L2HGDH: variants seen among roughly 807,000 people sequenced by gnomAD.
L2HGDH encodes L-2-hydroxyglutarate dehydrogenase, mitochondrial.
Under a neutral mutation model 51.5 loss-of-function variants are expected in L2HGDH, and 34 were observed. The observed-to-expected ratio is 0.66, with a 90% CI of 0.50 to 0.88. L2HGDH has a LOEUF of 0.88. L2HGDH is among the 40% of genes least tolerant of loss of function. L2HGDH has a pLI of 0.00. For missense variants in L2HGDH, 558 were observed against 571.9 expected, an observed-to-expected ratio of 0.98 and a Z score of 0.25; for synonymous variants, 198 against 197.9, an observed-to-expected ratio of 1.00 and a Z score of -0.01.
At chr14:50,308,412 G>A (rs1014817028) in intron 1 of L2HGDH, among the ~76,000 whole-genome samples, 4 of 147,024 alleles carry the variant, frequency 2.7e-5, no homozygotes, top group Non-Finnish European at 6.0e-5. Flanking sequence ...AAAAAAGTGG[G>A]CAAAAGATAT....
At chr14:50,280,414 C>T (rs1165763707) in intron 5 of L2HGDH, among the ~76,000 whole-genome samples, 2 of 152,140 alleles carry the variant, frequency 1.3e-5, no homozygotes, top group East Asian at 3.9e-4. Flanking sequence ...GATCCGCCTG[C>T]CTTGGCTTCC....
At chr14:50,251,753 C>T (rs1391577704) in intron 9 of L2HGDH, among the ~76,000 whole-genome samples, 1 of 152,060 alleles carries the variant, frequency 6.6e-6, no homozygotes. Flanking sequence ...AACCCTTTTA[C>T]TCTAAAATAG....
At chr14:50,307,708 C>T (rs2030812847) in intron 1 of L2HGDH, among the ~76,000 whole-genome samples, 2 of 152,172 alleles carry the variant, frequency 1.3e-5, no homozygotes, top group Admixed American at 1.3e-4. Flanking sequence ...TCATCCCCTC[C>T]TGTATTATAT....
chr14:50,282,184 G>A (rs553387164), intron 5 of L2HGDH, among the ~76,000 whole-genome samples: 63 of 152,182 alleles, frequency 4.1e-4, no homozygotes, highest in African/African-American at 1.4e-3. Context: ...TGATGGTACC[G>A]GCATCTAGTG....
chr14:50,287,856 C>T (rs1310518233), intron 4 of L2HGDH, among the ~76,000 whole-genome samples: 1 of 151,824 alleles, frequency 6.6e-6, no homozygotes, highest in Non-Finnish European at 1.5e-5. Flanking sequence ...CAAAAACACG[C>T]CTGGCTATTT....
intron 3 of L2HGDH, chr14:50,299,834 C>A (rs2030300621): frequency 6.5e-6 from 1 of 154,290 alleles, no homozygotes; most frequent in African/African-American, 2.4e-5. Context: ...AGGAGAAAAT[C>A]TTTAAGATAA....
intron 3 of L2HGDH, among the ~76,000 whole-genome samples, chr14:50,300,851 G>T (rs187708390): frequency 1.3e-5 from 2 of 151,902 alleles, no homozygotes; most frequent in African/African-American, 2.4e-5. Context: ...TTGAGGCAAG[G>T]TCTCACTCTG....
intron 9 of L2HGDH, among the ~76,000 whole-genome samples, chr14:50,258,046 T>C (rs947313256): frequency 2.2e-5 from 3 of 137,528 alleles, no homozygotes; most frequent in African/African-American, 8.2e-5. Context: ...TTTTTTTAAA[T>C]GGAAAATTTT....
chr14:50,306,225 A>G (rs565100471), intron 1 of L2HGDH, among the ~76,000 whole-genome samples: 8 of 151,636 alleles, frequency 5.3e-5, no homozygotes, highest in African/African-American at 1.9e-4. Flanking sequence ...TAATTTTTGT[A>G]TTTTTAGTAG....
At chr14:50,288,543 G>C (rs1047705868) in intron 4 of L2HGDH, among the ~76,000 whole-genome samples, 3 of 152,136 alleles carry the variant, frequency 2.0e-5, no homozygotes, top group Non-Finnish European at 4.4e-5. Context: ...CGATTCTCCT[G>C]CCTCAGCTTC....
chr14:50,309,702 T>TA (rs1555333780), intron 1 of L2HGDH, among the ~76,000 whole-genome samples: 2 of 150,750 alleles, frequency 1.3e-5, no homozygotes, highest in Non-Finnish European at 3.0e-5. Flanking sequence ...TTTTTTTTTT[T>TA]AAGAGAGTCT....
rs146940543 is a variant in L2HGDH at position 50,255,364 on chromosome 14, G to A, written c.1197-8111C>T. On this transcript the variant is annotated intron_variant, in intron 9 of 9. Coordinates refer to ENST00000267436, the MANE Select transcript of L2HGDH (RefSeq NM_024884.3). ...AGCCTGGCAAATATGGCAAACCCCC[G>A]TCTCTACTAAAAATACAAAAATTAG... Among the ~76,000 whole-genome samples, 392 of 151,598 alleles carry A rather than the reference G, an allele frequency of 2.6e-3. 6 individuals are homozygous for A. Among genetic ancestry groups the A allele is most frequent in the African/African-American group, 8.1e-3 (335 of 41,342 alleles).
At chr14:50,305,139 T>A (rs529903070) in intron 1 of L2HGDH, among the ~76,000 whole-genome samples, 20 of 152,300 alleles carry the variant, frequency 1.3e-4, no homozygotes, top group Middle Eastern at 3.4e-3. Context: ...AAATCCTGCA[T>A]CTTAAATTAA....
At chr14:50,306,338 C>G in intron 1 of L2HGDH, among the ~76,000 whole-genome samples, 1 of 152,116 alleles carries the variant, frequency 6.6e-6, no homozygotes, top group South Asian at 2.1e-4. Flanking sequence ...TGTGAACCAC[C>G]GTGCCCAGCT....
chr14:50,311,530 T>C, intron 1 of L2HGDH: 2 of 452,778 alleles, frequency 4.4e-6, no homozygotes, highest in Non-Finnish European at 8.9e-6. Flanking sequence ...GCATAAGAGC[T>C]GCCTCCGACG....
intron 8 of L2HGDH, among the ~76,000 whole-genome samples, chr14:50,266,353 G>A (rs1468342882): frequency 3.3e-5 from 5 of 152,028 alleles, no homozygotes; most frequent in Admixed American, 2.0e-4. Context: ...AAATACTTTA[G>A]TTGTTTAGGC....
chr14:50,295,567 G>C (rs1046774769), intron 3 of L2HGDH, among the ~76,000 whole-genome samples: 1 of 144,736 alleles, frequency 6.9e-6, no homozygotes, highest in East Asian at 2.0e-4. Flanking sequence ...CACCACACTC[G>C]GCTAATTTTT....
In L2HGDH at chr14:50,244,772, C is replaced by T. The variant is rs1486658094; in HGVS notation, c.*2286G>A. The T allele has an allele frequency of 4.1e-6, 4 of 985,248 alleles. No homozygotes were observed. Among genetic ancestry groups the T allele is most frequent in the South Asian group, 4.7e-5 (1 of 21,280 alleles). The allele number at this position is 985,248 out of a possible 1,614,324, so 61.0% of individuals were successfully genotyped here. A position where few individuals can be genotyped will look rare whatever the true frequency, so the allele number is the denominator to read the frequency against. Reference sequence around the variant, plus strand: ...TGAAGTGAGGGGAAAAGGAAGAAAACAGAAACATTTTTCCTATCAACCAAA... The same window carrying T: ...TGAAGTGAGGGGAAAAGGAAGAAAATAGAAACATTTTTCCTATCAACCAAA... On this transcript the variant is annotated 3_prime_UTR_variant, in exon 10 of 10. Transcript: ENST00000267436.
rs763449413 is a variant in L2HGDH at position 50,269,236 on chromosome 14, A to G, written c.833T>C (p.Ile278Thr). Residue 278 changes from isoleucine to threonine, a missense_variant, in exon 7 of 10, where the codon ATT becomes ACT. Physicochemically the swap from Ile to Thr is moderately conservative, Grantham distance 89. This residue lies in a region of L2HGDH where 321 missense variants were observed against 311.8 expected (regional missense o/e 1.03). Coordinates refer to ENST00000267436, the MANE Select transcript of L2HGDH (RefSeq NM_024884.3). Reference protein sequence around the residue: ...ELSGCTPDPRIVPFRGDYLLL... With the variant: ...ELSGCTPDPRTVPFRGDYLLL... ...CAGGTAATCTCCCCGGAATGGTACA[A>G]TTCGAGGATCAGGAGTGCAGCCACT... is the stretch of plus-strand genomic sequence containing the variant. The G allele has an allele frequency of 3.0e-5, 48 of 1,613,914 alleles. No individual in the cohort carries two copies. In the South Asian group the frequency reaches 5.3e-4, roughly 18 times the overall value.
Sources: gnomAD v4.1 joint callset for allele counts (sites outside exome capture counted in the v4.1 genomes callset) on GRCh38, gnomAD v4.1.1 for gene constraint, gnomAD v4.1.1 regional missense constraint, MANE v1.5 for transcripts, NCBI Gene and HGNC (gene_info 2026-07-23, HGNC 2026-07-21) for gene names.